MYO5A: variants seen among roughly 807,000 people sequenced by gnomAD.
MYO5A encodes the protein unconventional myosin-Va.
Under a neutral mutation model 249.7 loss-of-function variants are expected in MYO5A, and 98 were observed. That is an observed-to-expected ratio of 0.39 (90% CI 0.33 to 0.46). The LOEUF (loss-of-function observed/expected upper bound fraction) is 0.46, where lower values mean the gene tolerates loss of function less well. Among genes scored for constraint, MYO5A ranks in the 20% least tolerant of loss-of-function variants. MYO5A has a pLI of 0.98. For synonymous variants in MYO5A, 778 were observed against 810.6 expected (o/e 0.96, Z 0.68); for missense variants, 1,696 against 2,308.8 (o/e 0.73, Z 5.44).
intron 8 of MYO5A, among the ~76,000 whole-genome samples, chr15:52,405,627 G>A (rs2042970746): frequency 6.6e-6 from 1 of 152,178 alleles, no homozygotes; most frequent in African/African-American, 2.4e-5. Flanking sequence ...TTGAGACCTG[G>A]CTCTGCTATG....
chr15:52,403,450 A>G (rs2042849340), intron 9 of MYO5A, among the ~76,000 whole-genome samples: 1 of 152,270 alleles, frequency 6.6e-6, no homozygotes, highest in Non-Finnish European at 1.5e-5. Context: ...CCAGTCACGA[A>G]AAACCACATA....
In MYO5A at chr15:52,346,572, C is replaced by G; in HGVS notation, c.3859-111G>C. The G allele has an allele frequency of 4.1e-6, 3 of 738,826 alleles. 1 individual carries two copies. Among genetic ancestry groups the G allele is most frequent in the Non-Finnish European group, 7.2e-6 (3 of 416,068 alleles). The allele number at this position is 738,826 out of a possible 1,614,324, so 45.8% of individuals were successfully genotyped here. ...GCAGTGGTTATGTGCTCCACCATAC[C>G]TGTGACCCACCAAAGCATCAGCCCC... On this transcript the variant is annotated intron_variant, in intron 29 of 41. Transcript: ENST00000399233.
In MYO5A at chr15:52,507,803, C is replaced by CAAAAAAAAAAAAAAAAAAA. The variant is rs146846192; in HGVS notation, c.27+20976_27+20977insTTTTTTTTTTTTTTTTTTT. Among the ~76,000 whole-genome samples the CAAAAAAAAAAAAAAAAAAA allele has an allele frequency of 8.0e-4, 102 of 127,156 alleles. 5 individuals are homozygous for CAAAAAAAAAAAAAAAAAAA. The highest frequency in any genetic ancestry group is 1.0e-3 in the Non-Finnish European group (64 of 61,574). 83.4% of individuals were successfully genotyped at this position (127,156 alleles called of 152,430 possible). The stretch of plus-strand genomic sequence containing the variant: ...TGAGCAACAGAATGAGACCCTGTCC[C>CAAAAAAAAAAAAAAAAAAA]CAAAAAAAAAAAAAAAAAGTGTAAT... On this transcript the variant is annotated intron_variant, in intron 1 of 41. Transcript: ENST00000399233.
chr15:52,357,453 A>G (rs1209135927), intron 25 of MYO5A, among the ~76,000 whole-genome samples: 1 of 76,484 alleles, frequency 1.3e-5, no homozygotes, highest in African/African-American at 1.1e-4. Context: ...TAGAACTAGC[A>G]AAAAAAAAAA....
At position 52,513,682 on chromosome 15, in the gene MYO5A, C is replaced by T. The variant is rs2077441951; in HGVS notation, c.27+15098G>A. On this transcript the variant is annotated intron_variant, in intron 1 of 41. Transcript: ENST00000399233. ...CTGACCCCAGGTGATCCACCCACCT[C>T]GGCCTCCCAAAGTGCAGGGATTATA... Among the ~76,000 whole-genome samples the T allele has an allele frequency of 2.0e-5, 3 of 151,954 alleles. No individual in the cohort carries two copies. In the South Asian group the frequency reaches 6.2e-4, roughly 32 times the overall value.
At chr15:52,405,456 A>G in intron 8 of MYO5A, 63 bp from the exon 9 acceptor site, 1 of 1,241,672 alleles carries the variant, frequency 8.1e-7, no homozygotes, top group Non-Finnish European at 1.2e-6. Flanking sequence ...CAATTACAGC[A>G]GACAATTTTA....
chr15:52,432,525 G>C (rs1164672698), intron 2 of MYO5A, among the ~76,000 whole-genome samples: 2 of 152,176 alleles, frequency 1.3e-5, no homozygotes, highest in African/African-American at 4.8e-5. Flanking sequence ...GCCACTTCCT[G>C]GCTGTGTGAC....
chr15:52,334,505 CAT>C (rs2039027797), intron 34 of MYO5A, among the ~76,000 whole-genome samples: 1 of 152,068 alleles, frequency 6.6e-6, no homozygotes, highest in African/African-American at 2.4e-5. Context: ...ATATATGACT[CAT>C]GTAATGCTAA....
chr15:52,328,209 A>G (rs778071139), intron 35 of MYO5A, among the ~76,000 whole-genome samples: 1 of 152,146 alleles, frequency 6.6e-6, no homozygotes, highest in Non-Finnish European at 1.5e-5. Flanking sequence ...TCCCAAACTG[A>G]TATCTCCTGC....
intron 5 of MYO5A, 71 bp downstream of exon 5, chr15:52,416,074 A>G (rs1036166255): frequency 5.9e-5 from 91 of 1,549,430 alleles, no homozygotes; most frequent in Middle Eastern, 1.8e-4. Context: ...GACATGCTGT[A>G]TCAATCAATT....
intron 5 of MYO5A, 184 bp downstream of exon 5, chr15:52,415,960 TA>T: frequency 1.4e-6 from 1 of 719,200 alleles, no homozygotes; most frequent in Non-Finnish European, 2.2e-6. Context: ...TGGGCTTTAC[TA>T]AAAATGTCTA....
At chr15:52,326,268 T>C (rs527773552) in intron 36 of MYO5A, among the ~76,000 whole-genome samples, 6 of 152,336 alleles carry the variant, frequency 3.9e-5, no homozygotes, top group African/African-American at 1.4e-4. Context: ...CTTCTTGCAA[T>C]TATTATGAGA....
chr15:52,371,422 C>T (rs1157130163), intron 21 of MYO5A, among the ~76,000 whole-genome samples: 1 of 152,208 alleles, frequency 6.6e-6, no homozygotes, highest in East Asian at 1.9e-4. Flanking sequence ...GCTAAACCAA[C>T]TCATCTGTAA....
chr15:52,400,071 C>T (rs28444393), intron 9 of MYO5A, among the ~76,000 whole-genome samples: 7,773 of 152,022 alleles, frequency 0.051, 577 homozygotes, highest in African/African-American at 0.17. Flanking sequence ...AGCTGGAGCA[C>T]TTGGTCCATT....
rs1448214221 is a variant in MYO5A, at chr15:52,436,354, A to G, written c.28-3069T>C. ...CAGATCTTATTTTAGTTCTTCAGGA[A>G]CACAGTTTTGTTTGCTCCTGTCTCT... On this transcript the variant is annotated intron_variant, in intron 1 of 41. Coordinates refer to ENST00000399233, the MANE Select transcript of MYO5A (RefSeq NM_001382347.1). Among the ~76,000 whole-genome samples, 3 of 152,218 alleles carry G rather than the reference A, an allele frequency of 2.0e-5. No individual in the cohort carries two copies. The East Asian group carries it at 5.8e-4, about 29-fold the overall frequency.
At chr15:52,380,007 A>G in intron 16 of MYO5A, 99 bp from the exon 17 acceptor site, 2 of 1,159,734 alleles carry the variant, frequency 1.7e-6, no homozygotes, top group South Asian at 1.3e-5. Context: ...GTAAGAGCAA[A>G]ATGGATAAAT....
intron 3 of MYO5A, 118 bp downstream of exon 3, chr15:52,428,280 A>ATT: frequency 9.5e-7 from 1 of 1,056,558 alleles, no homozygotes; most frequent in Non-Finnish European, 1.4e-6. Context: ...CGCTCAAGTG[A>ATT]TTTTGTCTCT....
intron 36 of MYO5A, among the ~76,000 whole-genome samples, chr15:52,324,380 T>C (rs926689068): frequency 6.6e-6 from 1 of 152,158 alleles, no homozygotes; most frequent in Non-Finnish European, 1.5e-5. Flanking sequence ...AGGGGCTTCA[T>C]GGCAGACATA....
chr15:52,391,203 T>A (rs530998540), intron 12 of MYO5A, among the ~76,000 whole-genome samples: 1 of 152,340 alleles, frequency 6.6e-6, no homozygotes, highest in African/African-American at 2.4e-5. Context: ...TCATTTAGTA[T>A]TATCAAATGA....
Sources: allele counts gnomAD v4.1 joint callset (sites outside exome capture counted in the v4.1 genomes callset), GRCh38; gene constraint gnomAD v4.1.1; transcripts MANE v1.5; gene names NCBI Gene and HGNC (gene_info 2026-07-23, HGNC 2026-07-21).